The following IGFL2 variants were observed in gnomAD, a reference collection of about 807,000 sequenced individuals.
IGFL2 encodes the protein insulin growth factor-like family member 2.
A neutral mutation model predicts 13.9 loss-of-function variants in IGFL2; 7 were observed. The ratio of observed to expected loss-of-function variants is 0.51; its 90% CI spans 0.29 to 0.95. The LOEUF (loss-of-function observed/expected upper bound fraction) is 0.95. IGFL2 is among the 40% of genes least tolerant of loss of function. The probability of loss-of-function intolerance (pLI) is 0.08; values close to 1 mark genes in which losing one functional copy is unlikely to be tolerated. For missense variants in IGFL2, 138 were observed against 147.8 expected (o/e 0.93, Z 0.34); for synonymous variants, 55 against 55.8 (o/e 0.99, Z 0.07).
chr19:46,078,856 G>T, the IGFL2 span, among the ~76,000 whole-genome samples: 1 of 150,376 alleles, frequency 6.6e-6, no homozygotes, highest in Non-Finnish European at 1.5e-5. Context: ...TAGACATCGC[G>T]CAGGCGTCGT....
At chr19:46,086,230 A>G in the IGFL2 span, among the ~76,000 whole-genome samples, 7 of 152,072 alleles carry the variant, frequency 4.6e-5, no homozygotes, top group African/African-American at 9.7e-5. Flanking sequence ...TTGTTTTTCT[A>G]ATATTGTTGG....
chr19:46,122,399 T>C, the IGFL2 span, among the ~76,000 whole-genome samples: 1 of 151,214 alleles, frequency 6.6e-6, no homozygotes, highest in Non-Finnish European at 1.5e-5. Context: ...TAGCTGACCC[T>C]GTTAAAGATC....
chr19:46,152,317 T>A (rs1973545281), intron 1 of IGFL2, among the ~76,000 whole-genome samples: 1 of 151,376 alleles, frequency 6.6e-6, no homozygotes, highest in African/African-American at 2.4e-5. Context: ...CACTCTATCA[T>A]GCAGGGTGGC....
At chr19:46,209,326 C>T in the IGFL2 span, 4 of 152,248 alleles carry the variant, frequency 2.6e-5, no homozygotes, top group Non-Finnish European at 5.9e-5. Context: ...CCTTCCAGGG[C>T]TTCCGCATGG....
At chr19:46,165,934 T>C (rs549773049), downstream of IGFL2, among the ~76,000 whole-genome samples, 1 of 152,308 alleles carries the variant, frequency 6.6e-6, no homozygotes, top group South Asian at 2.1e-4. Flanking sequence ...GCCGCCCCCT[T>C]TGGGGAGGCT....
upstream of IGFL2, among the ~76,000 whole-genome samples, chr19:46,139,184 C>T (rs1397661116): frequency 4.0e-5 from 6 of 151,678 alleles, no homozygotes; most frequent in Non-Finnish European, 8.8e-5. Context: ...CCTCCCCTTG[C>T]AGCTGAGGGC....
At chr19:46,135,308 A>G in the IGFL2 span, among the ~76,000 whole-genome samples, 3 of 152,058 alleles carry the variant, frequency 2.0e-5, no homozygotes, top group African/African-American at 4.8e-5. Context: ...ATTGCTTTTG[A>G]TGATCATGTC....
chr19:46,126,448 C>T, the IGFL2 span, among the ~76,000 whole-genome samples: 1 of 152,168 alleles, frequency 6.6e-6, no homozygotes, highest in Admixed American at 6.5e-5. Flanking sequence ...TCATCTATTC[C>T]TAGAGATTTT....
chr19:46,182,747 C>T, the IGFL2 span, among the ~76,000 whole-genome samples: 11 of 152,216 alleles, frequency 7.2e-5, no homozygotes, highest in East Asian at 5.8e-4. Context: ...ACTGTACTGC[C>T]GTTAGTTTCT....
the IGFL2 span, among the ~76,000 whole-genome samples, chr19:46,107,919 G>T: frequency 6.6e-6 from 1 of 152,164 alleles, no homozygotes; most frequent in East Asian, 1.9e-4. Flanking sequence ...TAACTGATTT[G>T]GGAAAGGTCT....
At chr19:46,120,276 G>A in the IGFL2 span, 2 of 1,608,290 alleles carry the variant, frequency 1.2e-6, no homozygotes, top group Non-Finnish European at 1.7e-6. Flanking sequence ...CCGATGTCCA[G>A]CTGCTTCGTC....
At chr19:46,082,549 A>G in the IGFL2 span, among the ~76,000 whole-genome samples, 7 of 152,288 alleles carry the variant, frequency 4.6e-5, no homozygotes, top group South Asian at 1.5e-3. Context: ...CACAACCAAG[A>G]TAAGTGGGAT....
At chr19:46,090,613 G>A in the IGFL2 span, among the ~76,000 whole-genome samples, 5 of 152,210 alleles carry the variant, frequency 3.3e-5, no homozygotes, top group East Asian at 1.9e-4. Flanking sequence ...ATGCTGGTAC[G>A]TGATGACAAG....
chr19:46,141,420 G>T (rs902478658), upstream of IGFL2, among the ~76,000 whole-genome samples: 2 of 152,210 alleles, frequency 1.3e-5, no homozygotes, highest in African/African-American at 4.8e-5. Context: ...GGTTTTAGAA[G>T]AATGCAAATC....
chr19:46,116,655 G>A, the IGFL2 span, among the ~76,000 whole-genome samples: 1 of 152,176 alleles, frequency 6.6e-6, no homozygotes, highest in Non-Finnish European at 1.5e-5. Flanking sequence ...GGGATTACAT[G>A]TGCTTGCTAC....
chr19:46,191,627 T>A, the IGFL2 span, among the ~76,000 whole-genome samples: 2 of 152,062 alleles, frequency 1.3e-5, no homozygotes, highest in Admixed American at 1.3e-4. Flanking sequence ...ATGAGGGCCC[T>A]TTTCTCTCTC....
chr19:46,214,525 T>TCAC, the IGFL2 span: 20 of 152,284 alleles, frequency 1.3e-4, no homozygotes, highest in Admixed American at 1.1e-3. Flanking sequence ...CGGTACCAAG[T>TCAC]CACCGGCCAC....
chr19:46,209,678 G>A, the IGFL2 span: 1 of 152,224 alleles, frequency 6.6e-6, no homozygotes, highest in African/African-American at 2.4e-5. Flanking sequence ...CCTCAGGGGA[G>A]TGGCTTCTTC....
chr19:46,202,389 G>A, the IGFL2 span: 2 of 152,318 alleles, frequency 1.3e-5, no homozygotes, highest in Middle Eastern at 3.4e-3. Context: ...TTTTGGGTCA[G>A]GTGAGAGTTG....
Sources: gnomAD v4.1 joint callset for allele counts (sites outside exome capture counted in the v4.1 genomes callset) on GRCh38, gnomAD v4.1.1 for gene constraint, MANE v1.5 for transcripts, NCBI Gene and HGNC (gene_info 2026-07-23, HGNC 2026-07-21) for gene names.